STMN2: variants seen among roughly 807,000 people sequenced by gnomAD.
STMN2 encodes the protein stathmin-2.
Under a neutral mutation model 24.1 loss-of-function variants are expected in STMN2, and 2 were observed. The ratio of observed to expected loss-of-function variants is 0.08; its 90% CI spans 0.03 to 0.26. The LOEUF is 0.26. Ranked by LOEUF, STMN2 falls within the 10% of genes least tolerant of loss-of-function variation. The pLI is 1.00. For synonymous variants in STMN2, 83 were observed against 77.5 expected, an observed-to-expected ratio of 1.07 and a Z score of -0.37; for missense variants, 114 against 213.6, an observed-to-expected ratio of 0.53 and a Z score of 2.91.
intron 1 of STMN2, among the ~76,000 whole-genome samples, chr8:79,616,450 T>C (rs1809384525): frequency 6.6e-6 from 1 of 152,220 alleles, no homozygotes; most frequent in Admixed American, 6.5e-5. Flanking sequence ...ATAAAATATT[T>C]AATAGTGTCA....
chr8:79,659,651 T>C (rs966635134), intron 4 of STMN2, among the ~76,000 whole-genome samples: 1 of 152,198 alleles, frequency 6.6e-6, no homozygotes, highest in African/African-American at 2.4e-5. Context: ...AATACATCTA[T>C]TCACTAAACA....
chr8:79,655,134 T>C, intron 4 of STMN2, 72 bp downstream of exon 4: 2 of 1,544,908 alleles, frequency 1.3e-6, no homozygotes, highest in South Asian at 1.2e-5. Flanking sequence ...TCCATATGCC[T>C]GAGCACAGAG....
intron 1 of STMN2, among the ~76,000 whole-genome samples, chr8:79,625,124 C>T (rs1368163374): frequency 6.6e-6 from 1 of 152,128 alleles, no homozygotes; most frequent in Non-Finnish European, 1.5e-5. Context: ...ATGATCTTTC[C>T]ACTGCACTCT....
chr8:79,625,800 A>C (rs1809638901), intron 1 of STMN2, among the ~76,000 whole-genome samples: 1 of 152,114 alleles, frequency 6.6e-6, no homozygotes, highest in Non-Finnish European at 1.5e-5. Flanking sequence ...TCTACTAAAA[A>C]TACAAAAATT....
chr8:79,617,446 T>C (rs1464976419), intron 1 of STMN2, among the ~76,000 whole-genome samples: 2 of 152,250 alleles, frequency 1.3e-5, no homozygotes, highest in Non-Finnish European at 2.9e-5. Flanking sequence ...GCTTCAGGGT[T>C]TGCAGAATAT....
intron 4 of STMN2, among the ~76,000 whole-genome samples, chr8:79,659,100 AAAG>A (rs1806443383): frequency 6.6e-6 from 1 of 152,210 alleles, no homozygotes. Context: ...TTCTTCCTCC[AAAG>A]AAGAATGTTA....
chr8:79,624,268 C>T (rs1452070914), intron 1 of STMN2, among the ~76,000 whole-genome samples: 5 of 151,764 alleles, frequency 3.3e-5, no homozygotes, highest in Non-Finnish European at 5.9e-5. Flanking sequence ...TCCTGGCTAA[C>T]ACGGTGAAAC....
intron 1 of STMN2, among the ~76,000 whole-genome samples, chr8:79,636,497 T>A (rs140494723): frequency 6.6e-6 from 1 of 152,188 alleles, no homozygotes; most frequent in African/African-American, 2.4e-5. Context: ...ATCTGTTTCC[T>A]CTCTCTCCCT....
intron 4 of STMN2, among the ~76,000 whole-genome samples, chr8:79,655,870 A>G (rs2130387572): frequency 6.6e-6 from 1 of 152,268 alleles, no homozygotes; most frequent in South Asian, 2.1e-4. Context: ...AGACGCCTCA[A>G]TCCTTTTCTG....
At chr8:79,654,812 G>A (rs916799753) in intron 3 of STMN2, 59 bp from the exon 4 acceptor site, 13 of 1,556,478 alleles carry the variant, frequency 8.4e-6, no homozygotes, top group South Asian at 3.6e-5. Context: ...TTGGTGGGCC[G>A]TTATTCTGCT....
chr8:79,623,121 G>A (rs1809557437), intron 1 of STMN2, among the ~76,000 whole-genome samples: 1 of 152,144 alleles, frequency 6.6e-6, no homozygotes, highest in African/African-American at 2.4e-5. Flanking sequence ...TAGTGGATAA[G>A]CACGACAAAG....
intron 1 of STMN2, among the ~76,000 whole-genome samples, chr8:79,631,631 G>T (rs1433560797): frequency 6.6e-6 from 1 of 151,980 alleles, no homozygotes; most frequent in African/African-American, 2.4e-5. Flanking sequence ...CTCCAAATTT[G>T]AACCGATATA....
intron 1 of STMN2, chr8:79,611,794 A>T: frequency 1.1e-6 from 1 of 918,632 alleles, no homozygotes; most frequent in Non-Finnish European, 1.3e-6. Context: ...GCAGGGAGGT[A>T]AGACGGCGGG....
chr8:79,659,503 A>G (rs1195083168), intron 4 of STMN2, among the ~76,000 whole-genome samples: 2 of 152,206 alleles, frequency 1.3e-5, no homozygotes, highest in Admixed American at 6.6e-5. Flanking sequence ...CGCACTATGC[A>G]GCATCCTGCA....
intron 1 of STMN2, among the ~76,000 whole-genome samples, chr8:79,613,219 T>A (rs2130287516): frequency 6.6e-6 from 1 of 151,152 alleles, no homozygotes; most frequent in Admixed American, 6.5e-5. Context: ...GGGGCTTCTC[T>A]AAGGGAGACC....
intron 1 of STMN2, chr8:79,611,806 G>A: frequency 1.2e-6 from 1 of 818,858 alleles, no homozygotes; most frequent in Non-Finnish European, 1.5e-6. Context: ...GACGGCGGGG[G>A]ACAGGGTGGG....
intron 1 of STMN2, among the ~76,000 whole-genome samples, chr8:79,627,643 T>C (rs1809688494): frequency 6.6e-6 from 1 of 152,246 alleles, no homozygotes; most frequent in Admixed American, 6.5e-5. Flanking sequence ...TTCAAGACAT[T>C]AATTTCTTTA....
chr8:79,663,241 C>G (rs1253015385), intron 4 of STMN2, among the ~76,000 whole-genome samples: 1 of 152,140 alleles, frequency 6.6e-6, no homozygotes, highest in Non-Finnish European at 1.5e-5. Context: ...AAAATGTTCT[C>G]CTCACTCAAC....
intron 3 of STMN2, among the ~76,000 whole-genome samples, chr8:79,646,246 C>T (rs1353142152): frequency 6.6e-6 from 1 of 151,898 alleles, no homozygotes; most frequent in Non-Finnish European, 1.5e-5. Flanking sequence ...ATTTATCAAG[C>T]ACTTACTATT....
Sources: gnomAD v4.1 joint callset for allele counts (sites outside exome capture counted in the v4.1 genomes callset) on GRCh38, gnomAD v4.1.1 for gene constraint, MANE v1.5 for transcripts, NCBI Gene and HGNC (gene_info 2026-07-23, HGNC 2026-07-21) for gene names.